The following MYO3B variants were observed in gnomAD, a reference collection of about 807,000 sequenced individuals.
MYO3B encodes myosin-IIIb.
Under a neutral mutation model 174.6 loss-of-function variants are expected in MYO3B, and 156 were observed. The observed-to-expected ratio is 0.89, with a 90% CI of 0.78 to 1.02. The LOEUF (loss-of-function observed/expected upper bound fraction) is 1.02, where lower values mean the gene tolerates loss of function less well. Ranked by LOEUF, MYO3B falls within the 50% of genes least tolerant of loss-of-function variation. The pLI is 0.00. For missense variants in MYO3B, 1,632 were observed against 1,639.4 expected, an observed-to-expected ratio of 1.00 and a Z score of 0.08; for synonymous variants, 563 against 569.1, an observed-to-expected ratio of 0.99 and a Z score of 0.15.
intron 15 of MYO3B, 86 bp downstream of exon 15, chr2:170,391,704 C>G (rs1457566216): frequency 5.1e-5 from 40 of 781,462 alleles, no homozygotes; most frequent in Middle Eastern, 2.3e-4. Flanking sequence ...AGCTGTTTTC[C>G]TAACTGGAAA....
chr2:170,407,752 G>C lies in MYO3B; in HGVS notation c.2558G>C (p.Arg853Thr). The C allele has an allele frequency of 6.2e-7, 1 of 1,614,066 alleles. No individual in the cohort carries two copies. Among genetic ancestry groups the C allele is most frequent in the Non-Finnish European group, 8.5e-7 (1 of 1,179,970 alleles). The change falls in exon 22 of 35, where the codon AGA becomes ACA. Residue 853 changes from arginine to threonine, a missense_variant. Physicochemically the swap from Arg to Thr is moderately conservative, Grantham distance 71. Transcript: ENST00000408978. ...GCTTCTGGGGTTCTTGAGAAAAATA[G>C]AGACACTCTCCCTGCCGATGTGGTT... ...YDASGVLEKN[R>T]DTLPADVVVV... is the part of the protein sequence containing the mutation.
chr2:170,542,043 A>G (rs895822198), intron 30 of MYO3B, among the ~76,000 whole-genome samples: 7 of 152,214 alleles, frequency 4.6e-5, no homozygotes, highest in Non-Finnish European at 8.8e-5. Context: ...TCCTCATTTT[A>G]TAGATGAGGA....
At chr2:170,558,028 A>G (rs74603170) in intron 32 of MYO3B, among the ~76,000 whole-genome samples, 3,271 of 152,238 alleles carry the variant, frequency 0.021, 88 homozygotes, top group East Asian at 0.088. Flanking sequence ...GAGGCCAGAC[A>G]CCGTGGCTCA....
At chr2:170,446,854 G>C (rs984345840) in intron 23 of MYO3B, among the ~76,000 whole-genome samples, 1 of 152,170 alleles carries the variant, frequency 6.6e-6, no homozygotes, top group African/African-American at 2.4e-5. Context: ...CAGATATGAA[G>C]ACCCAAAGAA....
chr2:170,631,115 A>T (rs1696937234), intron 32 of MYO3B, among the ~76,000 whole-genome samples: 1 of 152,136 alleles, frequency 6.6e-6, no homozygotes, highest in Non-Finnish European at 1.5e-5. Flanking sequence ...CTAAAGGAGG[A>T]AGTTCGAACC....
At chr2:170,489,128 G>A (rs1368452394) in intron 25 of MYO3B, among the ~76,000 whole-genome samples, 2 of 152,220 alleles carry the variant, frequency 1.3e-5, no homozygotes, top group Non-Finnish European at 2.9e-5. Flanking sequence ...TGAATTAGAA[G>A]ACCTGGTAAG....
At position 170,400,201 on chromosome 2, in the gene MYO3B, T is replaced by A. The variant is rs751056212; in HGVS notation, c.1805T>A (p.Val602Glu). 1 of 1,614,050 alleles carries A rather than the reference T, an allele frequency of 6.2e-7. No homozygotes were observed. The highest frequency in any genetic ancestry group is 1.7e-5 in the Admixed American group (1 of 60,008). Residue 602 changes from valine to glutamate, a missense_variant, in exon 17 of 35, where the codon GTG becomes GAG. Val to Glu is a moderately radical substitution (Grantham distance 121, BLOSUM62 -2). Coordinates refer to ENST00000408978, the MANE Select transcript of MYO3B (RefSeq NM_138995.5). ...TGTCCTTTTCAGGAGGTGCACTCAG[T>A]GTACAGAATTTTGGCTGGGATTTTG... ...IGFTDKEVHSVYRILAGILNI... is the reference protein window; with the variant it reads ...IGFTDKEVHSEYRILAGILNI...
intron 6 of MYO3B, among the ~76,000 whole-genome samples, chr2:170,221,110 AGTAATG>A (rs2092894944): frequency 6.6e-6 from 1 of 152,270 alleles, no homozygotes; most frequent in African/African-American, 2.4e-5. Context: ...AAGTATAATC[AGTAATG>A]GTTCAAATTA....
chr2:170,453,693 T>G (rs1248867398), intron 23 of MYO3B, among the ~76,000 whole-genome samples: 1 of 152,172 alleles, frequency 6.6e-6, no homozygotes, highest in African/African-American at 2.4e-5. Flanking sequence ...GCAAAAGCTT[T>G]CTAGTTTTGC....
intron 30 of MYO3B, among the ~76,000 whole-genome samples, chr2:170,532,423 C>G (rs917874848): frequency 1.7e-4 from 26 of 152,150 alleles, no homozygotes; most frequent in African/African-American, 4.8e-4. Context: ...AAAATAGTGT[C>G]ATATTAAATT....
rs374809249 is a variant in MYO3B, at chr2:170,626,732, G to A, written c.3734-24896G>A. ...AGTGCATCCTTCAGGAGCTCTTGTA[G>A]GGCAGGCCTGGTGGTGACAGAATCT... On this transcript the variant is annotated intron_variant, in intron 32 of 34. Coordinates refer to ENST00000408978, the MANE Select transcript of MYO3B (RefSeq NM_138995.5). Among the ~76,000 whole-genome samples the A allele has an allele frequency of 1.5e-4, 23 of 152,284 alleles. 2 individuals carry two copies. The East Asian group carries it at 3.3e-3, about 22-fold the overall frequency.
Position 170,359,572 on chromosome 2 carries a change from A to G in MYO3B, c.816-9650A>G, listed in dbSNP as rs550608982. ...CCAGCCAGACTCTCACCCCATCTCT[A>G]TTATAACTGCATTGTTCTGTTCTAC... On this transcript the variant is annotated intron_variant, in intron 8 of 34. Transcript: ENST00000408978. 3.3e-5 allele frequency among the ~76,000 whole-genome samples: 5 copies of G among 152,242 alleles called. 1 individual carries two copies. The South Asian group carries it at 8.3e-4, about 25-fold the overall frequency.
intron 7 of MYO3B, among the ~76,000 whole-genome samples, chr2:170,317,013 C>G (rs1383748552): frequency 6.6e-6 from 1 of 152,118 alleles, no homozygotes; most frequent in African/African-American, 2.4e-5. Context: ...ATTTGTATTG[C>G]ATTTTTGTTT....
intron 32 of MYO3B, among the ~76,000 whole-genome samples, chr2:170,636,400 CT>C (rs10712536): frequency 0.22 from 31,758 of 142,596 alleles, 4,119 homozygotes; most frequent in East Asian, 0.45. Context: ...CCATGAATTT[CT>C]TTTTTTTTTT....
intron 1 of MYO3B, among the ~76,000 whole-genome samples, chr2:170,193,135 A>G (rs539823838): frequency 1.3e-5 from 2 of 151,974 alleles, no homozygotes; most frequent in South Asian, 2.1e-4. Flanking sequence ...TATTTCTTCT[A>G]TAAGTTTATG....
chr2:170,287,785 A>G (rs1181344707), intron 7 of MYO3B, among the ~76,000 whole-genome samples: 1 of 152,052 alleles, frequency 6.6e-6, no homozygotes, highest in East Asian at 1.9e-4. Context: ...CTTACATAAA[A>G]AAAAACTTTG....
At chr2:170,592,906 T>A (rs1441028317) in intron 32 of MYO3B, among the ~76,000 whole-genome samples, 1 of 152,058 alleles carries the variant, frequency 6.6e-6, no homozygotes, top group African/African-American at 2.4e-5. Context: ...ATCTGTTTTA[T>A]GAGATAGATA....
intron 28 of MYO3B, among the ~76,000 whole-genome samples, 178 bp downstream of exon 28, chr2:170,502,043 G>A (rs1687306859): frequency 2.0e-5 from 3 of 152,206 alleles, no homozygotes; most frequent in South Asian, 2.1e-4. Context: ...TGCTAACGGT[G>A]AGCATGAGCA....
At chr2:170,573,227 G>GTATATA (rs34137139) in intron 32 of MYO3B, among the ~76,000 whole-genome samples, 8 of 46,432 alleles carry the variant, frequency 1.7e-4, no homozygotes, top group Non-Finnish European at 3.1e-4. Context: ...TATACTGTGT[G>GTATATA]TATATATATA....
Sources: allele counts gnomAD v4.1 joint callset (sites outside exome capture counted in the v4.1 genomes callset), GRCh38; gene constraint gnomAD v4.1.1; transcripts MANE v1.5; gene names NCBI Gene and HGNC (gene_info 2026-07-23, HGNC 2026-07-21).